Variants in TBC1D1 observed in about 807,000 individuals in gnomAD.
TBC1D1 encodes the protein TBC1 domain family member 1.
A neutral mutation model predicts 125.6 loss-of-function variants in TBC1D1; 89 were observed. The observed-to-expected ratio is 0.71, with a 90% CI of 0.60 to 0.85. The LOEUF (loss-of-function observed/expected upper bound fraction) is 0.85. Among genes scored for constraint, TBC1D1 ranks in the 40% least tolerant of loss-of-function variants. The probability of loss-of-function intolerance (pLI) is 0.00; values close to 1 mark genes in which losing one functional copy is unlikely to be tolerated. For missense variants in TBC1D1, 1,377 were observed against 1,469.2 expected (o/e 0.94, Z 1.03); for synonymous variants, 565 against 564.1 (o/e 1.00, Z -0.02).
chr4:37,965,467 G>T (rs1462409639), intron 2 of TBC1D1, among the ~76,000 whole-genome samples: 2 of 152,196 alleles, frequency 1.3e-5, no homozygotes, highest in Non-Finnish European at 2.9e-5. Flanking sequence ...CATGCAGTAA[G>T]TACTCAGCGG....
intron 3 of TBC1D1, 43 bp from the exon 4 acceptor site, chr4:38,018,311 T>A: frequency 7.2e-7 from 1 of 1,395,424 alleles, no homozygotes; most frequent in South Asian, 1.2e-5. Flanking sequence ...GGTCATGAAA[T>A]GAGAAAGTTT....
At position 38,137,698 on chromosome 4, in the gene TBC1D1, C is replaced by T. The variant is rs1204499196; in HGVS notation, c.*363C>T. On this transcript the variant is annotated 3_prime_UTR_variant, in exon 20 of 20. Transcript: ENST00000261439. ...GGTGGAATTTCAAAAGCTGGAAGAGCTCGAGATCATGCCTCAGGCAAAGGC... is the reference window on the plus strand; with the variant it reads ...GGTGGAATTTCAAAAGCTGGAAGAGTTCGAGATCATGCCTCAGGCAAAGGC... The T allele has an allele frequency of 2.1e-5, 4 of 193,448 alleles. No homozygotes were observed. Among genetic ancestry groups the T allele is most frequent in the African/African-American group, 9.3e-5 (4 of 43,212 alleles). 12.0% of individuals were successfully genotyped at this position (193,448 alleles called of 1,614,324 possible). A position where few individuals can be genotyped will look rare whatever the true frequency, so the allele number is the denominator to read the frequency against.
intron 2 of TBC1D1, among the ~76,000 whole-genome samples, chr4:37,929,339 C>T (rs904281661): frequency 1.3e-5 from 2 of 152,166 alleles, no homozygotes; most frequent in African/African-American, 2.4e-5. Flanking sequence ...ATGATAAGAT[C>T]ATAATACTAA....
At chr4:38,019,844 A>G (rs1743622382) in intron 4 of TBC1D1, among the ~76,000 whole-genome samples, 2 of 152,186 alleles carry the variant, frequency 1.3e-5, no homozygotes, top group Non-Finnish European at 2.9e-5. Context: ...CTCTTTCTTT[A>G]TTCCAGTTCA....
intron 18 of TBC1D1, among the ~76,000 whole-genome samples, chr4:38,132,436 AGTT>A (rs1765741268): frequency 6.6e-6 from 1 of 152,176 alleles, no homozygotes; most frequent in Non-Finnish European, 1.5e-5. Flanking sequence ...GGCACTTAGG[AGTT>A]GTTTTTCACA....
chr4:37,976,255 G>C (rs1028909458), intron 2 of TBC1D1, among the ~76,000 whole-genome samples: 12 of 152,214 alleles, frequency 7.9e-5, no homozygotes, highest in African/African-American at 2.7e-4. Flanking sequence ...AATGAGCATG[G>C]AAGTGGATCC....
chr4:38,115,585 T>G, intron 15 of TBC1D1, 125 bp from the exon 18 acceptor site: 1 of 980,546 alleles, frequency 1.0e-6, no homozygotes, highest in Non-Finnish European at 1.5e-6. Flanking sequence ...TGGCAAAGAC[T>G]GATTGATATT....
chr4:38,084,218 G>GTAAT lies in TBC1D1; in HGVS notation c.2051-5714_2051-5713insTAAT, dbSNP rs1757090714. On this transcript the variant is annotated intron_variant, in intron 12 of 19. Transcript: ENST00000261439. ...CAAAGTGCTGGGATTACAGGTGTGA[G>GTAAT]CCACCATGCCCGGCCATGAATGTTG... Among the ~76,000 whole-genome samples the GTAAT allele has an allele frequency of 3.9e-5, 6 of 152,334 alleles. No homozygotes were observed. In the South Asian group the frequency reaches 1.2e-3, roughly 32 times the overall value.
chr4:37,946,087 GAAGT>G (rs1322447803), intron 2 of TBC1D1, among the ~76,000 whole-genome samples: 4 of 152,172 alleles, frequency 2.6e-5, no homozygotes, highest in African/African-American at 9.6e-5. Context: ...ACCAGGAACA[GAAGT>G]AACAGTTAAA....
At chr4:38,013,955 T>C (rs78786098) in intron 2 of TBC1D1, among the ~76,000 whole-genome samples, 11,278 of 152,268 alleles carry the variant, frequency 0.074, 570 homozygotes, top group African/African-American at 0.14. Context: ...GAAATAATGG[T>C]GCTGGGATTT....
In TBC1D1 at chr4:38,028,142, C is replaced by CA. The variant is rs371559180; in HGVS notation, c.1302+274dup. On this transcript the variant is annotated intron_variant, in intron 7 of 19. Transcript: ENST00000261439. ...ACAAACAAACAAACAAAAAAAACAGCAAAAAAAAAAATCTCATAATGGTTT... is the reference window on the plus strand; with the variant it reads ...ACAAACAAACAAACAAAAAAAACAGCAAAAAAAAAAAATCTCATAATGGTTT... Among the ~76,000 whole-genome samples, 211 of 146,218 alleles carry CA rather than the reference C, an allele frequency of 1.4e-3. 1 individual carries two copies. The highest frequency in any genetic ancestry group is 9.3e-3 in the East Asian group (47 of 5,058).
intron 7 of TBC1D1, among the ~76,000 whole-genome samples, chr4:38,028,110 A>AAAC (rs1560647711): frequency 3.3e-5 from 5 of 150,572 alleles, no homozygotes; most frequent in Non-Finnish European, 5.9e-5. Context: ...AGCTGCTAAA[A>AAAC]AAACAAACAA....
At chr4:37,924,718 G>T (rs1028857781) in intron 2 of TBC1D1, among the ~76,000 whole-genome samples, 1 of 152,166 alleles carries the variant, frequency 6.6e-6, no homozygotes, top group African/African-American at 2.4e-5. Context: ...TCCTTTTTAA[G>T]GCTGAGTATT....
At chr4:38,069,831 C>T (rs1321414970) in intron 12 of TBC1D1, among the ~76,000 whole-genome samples, 3 of 151,932 alleles carry the variant, frequency 2.0e-5, no homozygotes, top group Admixed American at 6.6e-5. Context: ...TTGTCCAACC[C>T]GCGGCCTGCT....
chr4:37,906,835 G>A (rs1717444689), intron 2 of TBC1D1, among the ~76,000 whole-genome samples: 1 of 152,202 alleles, frequency 6.6e-6, no homozygotes, highest in African/African-American at 2.4e-5. Flanking sequence ...AATGCAGTAA[G>A]GCAGCATCTC....
chr4:37,939,480 T>A (rs1340698026), intron 2 of TBC1D1, among the ~76,000 whole-genome samples: 3 of 151,612 alleles, frequency 2.0e-5, no homozygotes, highest in Non-Finnish European at 4.4e-5. Flanking sequence ...GTTGCCTGTT[T>A]ACTCTGATGG....
At chr4:37,899,052 A>T (rs2995924) in intron 1 of TBC1D1, among the ~76,000 whole-genome samples, 19,898 of 152,206 alleles carry the variant, frequency 0.13, 1,366 homozygotes, top group African/African-American at 0.16. Flanking sequence ...AATTTTTAGC[A>T]GGGGTGTGAT....
chr4:38,087,625 T>C (rs2152534963), intron 12 of TBC1D1, among the ~76,000 whole-genome samples: 1 of 152,082 alleles, frequency 6.6e-6, no homozygotes, highest in African/African-American at 2.4e-5. Flanking sequence ...GCAGATCACC[T>C]GAGGTCAGGA....
In TBC1D1 at chr4:38,110,423, C is replaced by T. The variant is rs1008213375; in HGVS notation, c.2558-5287C>T. ...AATTGCTGGGTGAAGGCTCTTCCCC[C>T]TCCAAGTGATAAAGAAGGAAAAGAT... On this transcript the variant is annotated intron_variant, in intron 15 of 19. Coordinates refer to ENST00000261439, the MANE Select transcript of TBC1D1 (RefSeq NM_015173.4). 32 of 985,280 alleles carry T rather than the reference C, an allele frequency of 3.2e-5. No individual in the cohort carries two copies. The African/African-American group carries it at 4.4e-4, about 13-fold the overall frequency. 61.0% of individuals were successfully genotyped at this position (985,280 alleles called of 1,614,324 possible). A position where few individuals can be genotyped will look rare whatever the true frequency, so the allele number is the denominator to read the frequency against.
Sources: gnomAD v4.1 joint callset for allele counts (sites outside exome capture counted in the v4.1 genomes callset) on GRCh38, gnomAD v4.1.1 for gene constraint, MANE v1.5 for transcripts, NCBI Gene and HGNC (gene_info 2026-07-23, HGNC 2026-07-21) for gene names.